RTCA: variants seen among roughly 807,000 people sequenced by gnomAD.
RTCA encodes RNA terminal phosphate cyclase domain 1.
In RTCA, 37 loss-of-function variants were observed where a neutral mutation model predicts 46.1. The ratio of observed to expected loss-of-function variants is 0.80; its 90% CI spans 0.62 to 1.06. The LOEUF is 1.06. RTCA is among the 50% of genes least tolerant of loss of function. The probability of loss-of-function intolerance (pLI) is 0.00; values close to 1 mark genes in which losing one functional copy is unlikely to be tolerated. For missense variants in RTCA, 435 were observed against 455.5 expected, an observed-to-expected ratio of 0.95 and a Z score of 0.41; for synonymous variants, 164 against 158.3, an observed-to-expected ratio of 1.04 and a Z score of -0.27.
intron 8 of RTCA, among the ~76,000 whole-genome samples, chr1:100,284,056 A>T (rs916256794): frequency 2.0e-5 from 3 of 152,030 alleles, no homozygotes; most frequent in African/African-American, 4.8e-5. Flanking sequence ...ATTTGCAAAT[A>T]TAAAATAGAA....
chr1:100,283,903 C>T (rs1274926386), intron 8 of RTCA, among the ~76,000 whole-genome samples: 5 of 108,962 alleles, frequency 4.6e-5, no homozygotes, highest in South Asian at 3.1e-4. Context: ...GTCCAGGCAA[C>T]GTAGTGAGAC....
At chr1:100,270,779 G>T in intron 4 of RTCA, 99 bp downstream of exon 4, 13 of 1,343,554 alleles carry the variant, frequency 9.7e-6, no homozygotes, top group East Asian at 4.9e-5. Context: ...TGACTTTCTT[G>T]TTTATCTCTT....
Position 100,266,433 on chromosome 1 carries a change from C to G in RTCA, c.45+13C>G. ...CATCATGGAAGGGGTGAGTACAGAG[C>G]GAAGCGGCCGGGGCTGCAGCCTAAC... On this transcript the variant is annotated intron_variant, in intron 1 of 10. Coordinates refer to ENST00000370128, the MANE Select transcript of RTCA (RefSeq NM_003729.4). The G allele has an allele frequency of 6.2e-7, 1 of 1,610,564 alleles. No individual in the cohort carries two copies. The highest frequency in any genetic ancestry group is 1.1e-5 in the South Asian group (1 of 90,910).
At chr1:100,276,972 C>T (rs1666423423) in intron 7 of RTCA, among the ~76,000 whole-genome samples, 1 of 152,170 alleles carries the variant, frequency 6.6e-6, no homozygotes, top group South Asian at 2.1e-4. Context: ...AATGGTACCA[C>T]TTAGTGCTAA....
At chr1:100,283,569 C>A (rs183985332) in intron 8 of RTCA, among the ~76,000 whole-genome samples, 250 of 152,188 alleles carry the variant, frequency 1.6e-3, no homozygotes, top group Admixed American at 3.3e-3. Context: ...TTTTTATGTA[C>A]TAGTCTGGGT....
intron 10 of RTCA, among the ~76,000 whole-genome samples, chr1:100,289,560 ACT>A (rs370033484): frequency 6.2e-4 from 94 of 151,958 alleles, no homozygotes; most frequent in Admixed American, 2.1e-3. Context: ...AAGAGTGTTA[ACT>A]CTATTTTTTT....
In RTCA at chr1:100,289,475, T is replaced by G. The variant is rs185544443; in HGVS notation, c.1000-1928T>G. 2.7e-4 allele frequency among the ~76,000 whole-genome samples: 41 copies of G among 152,318 alleles called. No homozygotes were observed. The East Asian group carries it at 7.7e-3, about 29-fold the overall frequency. ...AATTATGTATACTTTTAATTGTTAT[T>G]AAGAAACATAGATAAGTTTTTGTTA... On this transcript the variant is annotated intron_variant, in intron 10 of 10. Coordinates refer to ENST00000370128, the MANE Select transcript of RTCA (RefSeq NM_003729.4).
Position 100,266,313 on chromosome 1 carries a change from C to T in RTCA, c.-63C>T, listed in dbSNP as rs910601177. 6.9e-6 allele frequency: 11 copies of T among 1,588,162 alleles called. No homozygotes were observed. The South Asian group carries it at 9.1e-5, about 13-fold the overall frequency. The stretch of plus-strand genomic sequence containing the variant: ...TGAACTACTGGGCGGGAGCCAACGT[C>T]TCTTCTTTCTCCCGCTCTGGCGGAG... On this transcript the variant is annotated 5_prime_UTR_variant, in exon 1 of 11. Transcript: ENST00000370128.
At chr1:100,274,993 A>G in intron 6 of RTCA, 28 bp downstream of exon 6, 1 of 1,570,270 alleles carries the variant, frequency 6.4e-7, no homozygotes, top group South Asian at 1.2e-5. Flanking sequence ...TCTTAGAAAT[A>G]AAATATATGT....
intron 5 of RTCA, among the ~76,000 whole-genome samples, chr1:100,274,417 A>G (rs1666259741): frequency 6.6e-6 from 1 of 152,278 alleles, no homozygotes; most frequent in African/African-American, 2.4e-5. Context: ...TAGCAGGAAC[A>G]ATATAGGTAA....
chr1:100,284,998 A>G (rs72983919), intron 8 of RTCA, among the ~76,000 whole-genome samples: 4,985 of 152,280 alleles, frequency 0.033, 294 homozygotes, highest in African/African-American at 0.12. Context: ...GGACTAATGA[A>G]GCCTATATTT....
intron 9 of RTCA, among the ~76,000 whole-genome samples, chr1:100,286,180 C>T (rs1214171870): frequency 2.0e-5 from 3 of 151,944 alleles, no homozygotes; most frequent in African/African-American, 7.3e-5. Context: ...TTGCATGGCG[C>T]GGTGGCTCAA....
intron 8 of RTCA, among the ~76,000 whole-genome samples, chr1:100,281,617 A>T (rs1369664955): frequency 6.6e-6 from 1 of 152,206 alleles, no homozygotes; most frequent in African/African-American, 2.4e-5. Flanking sequence ...CTGGTTAATC[A>T]ATCTTTATTT....
At chr1:100,277,151 C>A in intron 7 of RTCA, 107 bp from the exon 8 acceptor site, 1 of 1,040,558 alleles carries the variant, frequency 9.6e-7, no homozygotes, top group Non-Finnish European at 1.5e-6. Context: ...CAATTTGTTG[C>A]CCAGATTTAG....
In RTCA at chr1:100,279,743, G is replaced by A. The variant is rs1666586805; in HGVS notation, c.799+2427G>A. Among the ~76,000 whole-genome samples the A allele has an allele frequency of 2.0e-5, 3 of 152,076 alleles. No individual in the cohort carries two copies. In the South Asian group the frequency reaches 6.2e-4, roughly 32 times the overall value. On this transcript the variant is annotated intron_variant, in intron 8 of 10. Transcript: ENST00000370128. Reference sequence around the variant, plus strand: ...TGCAATGAGCTATGATTGCACCACTGCATTCCAGTCTGGGTGACACAGTGA... The same window carrying A: ...TGCAATGAGCTATGATTGCACCACTACATTCCAGTCTGGGTGACACAGTGA...
At chr1:100,273,113 C>T (rs891105623) in intron 4 of RTCA, among the ~76,000 whole-genome samples, 1 of 152,146 alleles carries the variant, frequency 6.6e-6, no homozygotes, top group East Asian at 1.9e-4. Flanking sequence ...GAAGTATTGG[C>T]CTTCGGAGTA....
chr1:100,275,851 A>T (rs1002860537), intron 7 of RTCA, 128 bp downstream of exon 7: 15 of 820,248 alleles, frequency 1.8e-5, no homozygotes, highest in Middle Eastern at 4.0e-4. Context: ...TTATTTATTT[A>T]TTGAGGTGGA....
chr1:100,268,407 T>TC (rs1191832584), intron 3 of RTCA, 112 bp downstream of exon 3: 2 of 915,138 alleles, frequency 2.2e-6, no homozygotes, highest in Non-Finnish European at 3.2e-6. Context: ...TTTTATGTTT[T>TC]TTTTTTTTGA....
intron 3 of RTCA, among the ~76,000 whole-genome samples, chr1:100,269,911 C>T (rs1407421819): frequency 6.6e-6 from 1 of 152,124 alleles, no homozygotes; most frequent in Non-Finnish European, 1.5e-5. Flanking sequence ...TGTTCAACTG[C>T]CACTTATGAG....
Sources: gnomAD v4.1 joint callset for allele counts (sites outside exome capture counted in the v4.1 genomes callset) on GRCh38, gnomAD v4.1.1 for gene constraint, MANE v1.5 for transcripts, NCBI Gene and HGNC (gene_info 2026-07-23, HGNC 2026-07-21) for gene names.